Variants in ATR observed in about 807,000 individuals in gnomAD.
ATR encodes the protein serine/threonine-protein kinase ATR.
Under a neutral mutation model 305.3 loss-of-function variants are expected in ATR, and 142 were observed. The observed-to-expected ratio is 0.47, with a 90% CI of 0.41 to 0.53. The LOEUF (loss-of-function observed/expected upper bound fraction) is 0.53. Ranked by LOEUF, ATR falls within the 20% of genes least tolerant of loss-of-function variation. The pLI is 0.00. For missense variants in ATR, 2,135 were observed against 3,133.1 expected (o/e 0.68, Z 7.60); for synonymous variants, 1,050 against 1,068.1 (o/e 0.98, Z 0.33).
intron 36 of ATR, among the ~76,000 whole-genome samples, chr3:142,474,915 T>TA (rs910401078): frequency 8.6e-5 from 13 of 151,632 alleles, no homozygotes; most frequent in Non-Finnish European, 1.0e-4. Context: ...ATTTTTTTTT[T>TA]AAAAAAAGTT....
chr3:142,511,735 T>C (rs1228188048), intron 27 of ATR, among the ~76,000 whole-genome samples: 2 of 152,050 alleles, frequency 1.3e-5, no homozygotes, highest in African/African-American at 4.8e-5. Context: ...CTTGTCGAAG[T>C]GAGAGTAAGA....
At chr3:142,551,586 T>A (rs2034471024) in intron 13 of ATR, among the ~76,000 whole-genome samples, 3 of 152,194 alleles carry the variant, frequency 2.0e-5, no homozygotes, top group Non-Finnish European at 4.4e-5. Flanking sequence ...GGACTCTCTA[T>A]TTAATAAATG....
intron 39 of ATR, 49 bp downstream of exon 39, chr3:142,467,885 T>C: frequency 6.3e-7 from 1 of 1,599,198 alleles, no homozygotes; most frequent in Non-Finnish European, 8.5e-7. Flanking sequence ...TCAAATTATA[T>C]ACATAATTAC....
chr3:142,557,081 T>C (rs532334463), intron 8 of ATR, among the ~76,000 whole-genome samples: 1 of 151,066 alleles, frequency 6.6e-6, no homozygotes, highest in East Asian at 1.9e-4. Context: ...AACTTTAATA[T>C]GGATATGAAT....
rs370379866 is a variant in ATR, at chr3:142,466,341, C to A, written c.6880G>T (p.Ala2294Ser). The change falls in exon 40 of 47, where the codon GCA (alanine) becomes TCA (serine). Residue 2294 changes from alanine to serine, a missense_variant. This residue lies in a region of ATR where 462 missense variants were observed against 887.6 expected (regional missense o/e 0.52). Transcript: ENST00000350721. Reference sequence around the variant, plus strand: ...AAGTTTACCATATCATCAAACCCTGCAATATAGGCCCAATGTCCAGGAAAT... The same window carrying A: ...AAGTTTACCATATCATCAAACCCTGAAATATAGGCCCAATGTCCAGGAAAT... Reference protein sequence around the residue: ...EPFPGHWAYIAGFDDMVEILA... With the variant: ...EPFPGHWAYISGFDDMVEILA... 1.9e-6 allele frequency: 3 copies of A among 1,613,594 alleles called. No homozygotes were observed. In the African/African-American group the frequency reaches 4.0e-5, roughly 22 times the overall value.
At chr3:142,508,534 A>C (rs1395371340) in intron 27 of ATR, among the ~76,000 whole-genome samples, 1 of 152,194 alleles carries the variant, frequency 6.6e-6, no homozygotes, top group Non-Finnish European at 1.5e-5. Context: ...AAACTTCAAA[A>C]CTATGGAAAT....
chr3:142,450,408 T>G (rs767598903), intron 46 of ATR: 1 of 1,577,584 alleles, frequency 6.3e-7, no homozygotes, highest in Non-Finnish European at 8.7e-7. Flanking sequence ...TGCTGTCTTC[T>G]TTCACTTGTG....
At chr3:142,558,818 TAATC>T in intron 7 of ATR, 42 bp from the exon 8 acceptor site, 1 of 1,527,978 alleles carries the variant, frequency 6.5e-7, no homozygotes, top group Non-Finnish European at 9.0e-7. Context: ...AACTTTTCCT[TAATC>T]ATATCTCTTT....
chr3:142,463,564 T>C (rs2071064871), intron 41 of ATR, among the ~76,000 whole-genome samples: 1 of 152,152 alleles, frequency 6.6e-6, no homozygotes, highest in African/African-American at 2.4e-5. Flanking sequence ...GCCTGGCTAA[T>C]TTTTGTATTT....
At chr3:142,482,409 T>C (rs2030573002) in intron 36 of ATR, among the ~76,000 whole-genome samples, 1 of 152,150 alleles carries the variant, frequency 6.6e-6, no homozygotes, top group Non-Finnish European at 1.5e-5. Context: ...TACATAACAG[T>C]TTTATGCATA....
intron 26 of ATR, 22 bp downstream of exon 26, chr3:142,513,479 C>G (rs758856521): frequency 6.2e-7 from 1 of 1,612,272 alleles, no homozygotes; most frequent in South Asian, 1.1e-5. Context: ...GTTCAAAAAC[C>G]AAGTAAGATG....
chr3:142,515,256 G>C, intron 25 of ATR, 139 bp downstream of exon 25: 1 of 1,150,032 alleles, frequency 8.7e-7, no homozygotes, highest in Non-Finnish European at 1.2e-6. Flanking sequence ...TTCTCTATTA[G>C]TTAACATTTT....
rs2032822432 is a variant in ATR at position 142,515,512 on chromosome 3, G to C, written c.4386C>G (p.Tyr1462Ter). 1 of 1,610,114 alleles carries C rather than the reference G, an allele frequency of 6.2e-7. No homozygotes were observed. Among genetic ancestry groups the C allele is most frequent in the African/African-American group, 1.3e-5 (1 of 74,782 alleles). ...AATCGGTTGACTTCTGAGAACTCTT[G>C]TATCTGTAATTTTGAAAATTTGTTT... is the stretch of plus-strand genomic sequence containing the variant. ...EILEPHLNTR[Y>*]KSSQKSTDWS... Residue 1462 changes from tyrosine to a stop codon, truncating the protein, a stop_gained, in exon 25 of 47, where the codon TAC (tyrosine) becomes TAG (stop). Coordinates refer to ENST00000350721, the MANE Select transcript of ATR (RefSeq NM_001184.4). LOFTEE classifies it high-confidence loss of function.
At position 142,562,216 on chromosome 3, in the gene ATR, C is replaced by G. The variant is rs370158515; in HGVS notation, c.1170+16G>C. The G allele has an allele frequency of 3.4e-5, 55 of 1,613,562 alleles. No homozygotes were observed. The East Asian group carries it at 5.6e-4, about 16-fold the overall frequency. ...ACAAAATACATACTTAACTAGTAAC[C>G]TGAAAAATTACTTACCTCTGCATCT... On this transcript the variant is annotated intron_variant, in intron 4 of 46. Coordinates refer to ENST00000350721, the MANE Select transcript of ATR (RefSeq NM_001184.4).
intron 17 of ATR, among the ~76,000 whole-genome samples, chr3:142,541,876 T>TAA (rs141156491): frequency 6.9e-6 from 1 of 145,204 alleles, no homozygotes. Flanking sequence ...GGCTCCTTAA[T>TAA]AAAAAAAAAA....
intron 6 of ATR, 28 bp from the exon 7 acceptor site, chr3:142,559,469 A>T (rs1320595468): frequency 6.2e-7 from 1 of 1,601,534 alleles, no homozygotes; most frequent in Non-Finnish European, 8.5e-7. Context: ...TGTTAAAAAC[A>T]TTGGAATTAA....
At position 142,499,749 on chromosome 3, in the gene ATR, T is replaced by C. The variant is rs1321684720; in HGVS notation, c.5289-31A>G. ...AAAAGAAACCCATATCAACTAAACT[T>C]TAATTTATTTAAGGTGACATTCAGA... On this transcript the variant is annotated intron_variant, in intron 30 of 46. Transcript: ENST00000350721. The C allele has an allele frequency of 7.6e-6, 12 of 1,577,394 alleles. No individual in the cohort carries two copies. In the East Asian group the frequency reaches 2.7e-4, roughly 35 times the overall value.
Position 142,559,287 on chromosome 3 carries a change from C to T in ATR, c.1696G>A (p.Val566Met), listed in dbSNP as rs2034794439. 1 of 1,613,842 alleles carries T rather than the reference C, an allele frequency of 6.2e-7. No homozygotes were observed. The highest frequency in any genetic ancestry group is 1.7e-5 in the Admixed American group (1 of 59,996). ...KLDLEATIDK[V>M]VKIYDALIYM... ...ATCAAAGCATCATAAATTTTCACCACCTTATCAATGGTTGCCTCCAGGTCC... is the reference window on the plus strand; with the variant it reads ...ATCAAAGCATCATAAATTTTCACCATCTTATCAATGGTTGCCTCCAGGTCC... Residue 566 changes from valine to methionine, a missense_variant, in exon 7 of 47, where the codon GTG becomes ATG. Around this residue, in one of 9 missense-constraint regions of ATR, gnomAD observed 744 missense variants for 873.2 expected, o/e 0.85. Coordinates refer to ENST00000350721, the MANE Select transcript of ATR (RefSeq NM_001184.4).
chr3:142,564,271 G>C (rs532335929), intron 3 of ATR, among the ~76,000 whole-genome samples: 1 of 152,212 alleles, frequency 6.6e-6, no homozygotes, highest in African/African-American at 2.4e-5. Flanking sequence ...TAGTGGTCTG[G>C]AACTGAACCC....
Sources: allele counts gnomAD v4.1 joint callset (sites outside exome capture counted in the v4.1 genomes callset), GRCh38; gene constraint gnomAD v4.1.1; regional missense constraint gnomAD v4.1.1; transcripts MANE v1.5; gene names NCBI Gene and HGNC (gene_info 2026-07-23, HGNC 2026-07-21).